The following ITPRID1 variants were observed in gnomAD, a reference collection of about 807,000 sequenced individuals.
The protein encoded by ITPRID1 is protein ITPRID1.
ITPRID1 carries 96 observed loss-of-function variants against 95.4 expected under a neutral mutation model. The ratio of observed to expected loss-of-function variants is 1.01; its 90% CI spans 0.85 to 1.19. The LOEUF (loss-of-function observed/expected upper bound fraction) is 1.19. Among genes scored for constraint, ITPRID1 ranks in the 50% most tolerant of loss-of-function variants. ITPRID1 has a pLI of 0.00. For missense variants in ITPRID1, 1,339 were observed against 1,252.9 expected (o/e 1.07, Z -1.04); for synonymous variants, 510 against 453.6 (o/e 1.12, Z -1.58).
rs1387317849 is a variant in ITPRID1 at position 31,578,035 on chromosome 7, A to G, written c.771A>G (p.Leu257=). 1.2e-6 allele frequency: 2 copies of G among 1,613,774 alleles called. No homozygotes were observed. Among genetic ancestry groups the G allele is most frequent in the African/African-American group, 1.3e-5 (1 of 74,910 alleles). ...KEHRRRMGKL[L]RRASKQNIRR... ...ATCGAAGAAGAATGGGTAAACTCTT[A>G]AGGAGAGCTTCCAAACAGAACATCA... Residue 257 remains leucine (L), a synonymous_variant, in exon 9 of 15, where the codon TTA becomes TTG. Transcript: ENST00000615280.
intron 5 of ITPRID1, 116 bp downstream of exon 5, chr7:31,555,017 C>T: frequency 1.3e-6 from 1 of 755,746 alleles, no homozygotes; most frequent in South Asian, 1.7e-5. Flanking sequence ...AAATGATCAG[C>T]CCTCAAAAAC....
chr7:31,579,696 G>T (rs558963565), intron 9 of ITPRID1, among the ~76,000 whole-genome samples: 1 of 152,268 alleles, frequency 6.6e-6, no homozygotes, highest in South Asian at 2.1e-4. Context: ...TGGCATAGCT[G>T]CATCCCACAA....
intron 10 of ITPRID1, among the ~76,000 whole-genome samples, chr7:31,595,336 T>A (rs560044001): frequency 2.4e-4 from 23 of 95,360 alleles, no homozygotes; most frequent in African/African-American, 9.6e-4. Context: ...TGAGCCACCA[T>A]GCCCGGCCTA....
intron 10 of ITPRID1, among the ~76,000 whole-genome samples, chr7:31,601,605 A>G (rs186844885): frequency 6.6e-6 from 1 of 152,336 alleles, no homozygotes; most frequent in East Asian, 1.9e-4. Context: ...TTCTGTAGTA[A>G]CATCCTACAC....
chr7:31,633,011 C>T (rs1339278821), intron 10 of ITPRID1, among the ~76,000 whole-genome samples: 20 of 151,990 alleles, frequency 1.3e-4, no homozygotes, highest in Non-Finnish European at 1.3e-4. Flanking sequence ...CTCAGCCTCC[C>T]GAGTAACTGG....
chr7:31,643,192 A>G lies in ITPRID1; in HGVS notation c.1822A>G (p.Lys608Glu), dbSNP rs1327852673. The part of the protein sequence containing the change: ...RSPGNDHTQD[K>E]FLHVDSEAPR... ...ACCTGGAAATGATCATACTCAAGAC[A>G]AGTTCCTTCATGTTGACTCTGAGGC... is the stretch of plus-strand genomic sequence containing the variant. The change falls in exon 12 of 15, where the codon AAG becomes GAG. Residue 608 changes from lysine to glutamate, a missense_variant. Physicochemically the swap from Lys to Glu is moderately conservative, Grantham distance 56. Coordinates refer to ENST00000615280, the MANE Select transcript of ITPRID1 (RefSeq NM_001257967.3). The G allele has an allele frequency of 3.1e-6, 5 of 1,613,812 alleles. No homozygotes were observed. Among genetic ancestry groups the G allele is most frequent in the African/African-American group, 1.3e-5 (1 of 74,906 alleles).
At chr7:31,539,874 C>A (rs773069897) in intron 1 of ITPRID1, among the ~76,000 whole-genome samples, 6 of 151,560 alleles carry the variant, frequency 4.0e-5, no homozygotes, top group Non-Finnish European at 7.4e-5. Flanking sequence ...GGCTGGTGGG[C>A]AAGTTATCTC....
At chr7:31,591,714 T>G (rs1298043188) in intron 10 of ITPRID1, among the ~76,000 whole-genome samples, 1 of 152,198 alleles carries the variant, frequency 6.6e-6, no homozygotes, top group Non-Finnish European at 1.5e-5. Context: ...ACATTGCCAC[T>G]CTTAGGATCC....
At chr7:31,574,814 G>C in intron 8 of ITPRID1, 72 bp downstream of exon 8, 2 of 1,362,234 alleles carry the variant, frequency 1.5e-6, no homozygotes, top group Admixed American at 3.7e-5. Flanking sequence ...CAGTGTAGGC[G>C]AGGAGATTGT....
rs186805985 is a variant in ITPRID1 at position 31,551,588 on chromosome 7, T to C, written c.-23-1414T>C. On this transcript the variant is annotated intron_variant, in intron 2 of 14. Transcript: ENST00000615280. ...ATAAAATTGACAGCCATCATAATTATTGATTTTTGTAGTAATTTAAAATTG... is the reference window on the plus strand; with the variant it reads ...ATAAAATTGACAGCCATCATAATTACTGATTTTTGTAGTAATTTAAAATTG... Among the ~76,000 whole-genome samples, 225 of 143,972 alleles carry C rather than the reference T, an allele frequency of 1.6e-3. 20 individuals are homozygous for C. The highest frequency in any genetic ancestry group is 4.0e-3 in the African/African-American group (166 of 40,996). The allele number at this position is 143,972 out of a possible 152,430, so 94.5% of individuals were successfully genotyped here.
chr7:31,654,810 G>A lies in ITPRID1; in HGVS notation c.*1981G>A, dbSNP rs906742557. Among the ~76,000 whole-genome samples the A allele has an allele frequency of 1.3e-5, 2 of 152,132 alleles. No individual in the cohort carries two copies. The highest frequency in any genetic ancestry group is 4.8e-5 in the African/African-American group (2 of 41,418). On this transcript the variant is annotated 3_prime_UTR_variant, in exon 15 of 15. Transcript: ENST00000615280. The stretch of plus-strand genomic sequence containing the variant: ...TGGTCAAAGGAGAGGTCACTTCTTA[G>A]CAAGTAACCTCAGAAACTAATTCTA...
At chr7:31,622,014 T>G (rs1226990634) in intron 10 of ITPRID1, among the ~76,000 whole-genome samples, 1 of 141,638 alleles carries the variant, frequency 7.1e-6, no homozygotes, top group Non-Finnish European at 1.5e-5. Flanking sequence ...AAGAAGGCCA[T>G]TACATAATGG....
intron 10 of ITPRID1, among the ~76,000 whole-genome samples, chr7:31,610,172 G>T (rs765292185): frequency 8.6e-5 from 13 of 151,470 alleles, no homozygotes; most frequent in Non-Finnish European, 1.5e-4. Flanking sequence ...AATTATTGAG[G>T]CTTATTTTGT....
At chr7:31,519,614 C>CTATATATATATA (rs1396946575) in intron 1 of ITPRID1, among the ~76,000 whole-genome samples, 4 of 43,170 alleles carry the variant, frequency 9.3e-5, no homozygotes, top group African/African-American at 1.7e-4. Context: ...CTCTCTCTCT[C>CTATATATATATA]TCTCTCTATA....
intron 10 of ITPRID1, among the ~76,000 whole-genome samples, chr7:31,626,481 T>C (rs1788479622): frequency 6.6e-6 from 1 of 152,254 alleles, no homozygotes; most frequent in Non-Finnish European, 1.5e-5. Flanking sequence ...GTTTGCATTT[T>C]ACTATTTCCT....
At chr7:31,592,941 T>A (rs568738691) in intron 10 of ITPRID1, among the ~76,000 whole-genome samples, 1 of 152,232 alleles carries the variant, frequency 6.6e-6, no homozygotes, top group Non-Finnish European at 1.5e-5. Context: ...AATCTAATAA[T>A]GCTTACTTTA....
intron 10 of ITPRID1, among the ~76,000 whole-genome samples, chr7:31,584,357 T>C (rs1785511798): frequency 6.6e-6 from 1 of 152,240 alleles, no homozygotes; most frequent in Non-Finnish European, 1.5e-5. Context: ...CTTATCCTGC[T>C]CTTCGAAGTA....
At chr7:31,519,357 C>T (rs892269960) in intron 1 of ITPRID1, among the ~76,000 whole-genome samples, 1 of 151,934 alleles carries the variant, frequency 6.6e-6, no homozygotes, top group Non-Finnish European at 1.5e-5. Context: ...AATTTAAACA[C>T]TAAAATTGTA....
intron 1 of ITPRID1, among the ~76,000 whole-genome samples, chr7:31,530,288 A>G (rs1583464260): frequency 6.6e-6 from 1 of 152,192 alleles, no homozygotes. Flanking sequence ...GGCTTAATTC[A>G]TTAAGAAAAA....
Sources: gnomAD v4.1 joint callset for allele counts (sites outside exome capture counted in the v4.1 genomes callset) on GRCh38, gnomAD v4.1.1 for gene constraint, MANE v1.5 for transcripts, NCBI Gene and HGNC (gene_info 2026-07-23, HGNC 2026-07-21) for gene names.